ASIC3: variants seen among roughly 807,000 people sequenced by gnomAD.
ASIC3 encodes acid sensing ion channel subunit 3.
In ASIC3, 46 loss-of-function variants were observed where a neutral mutation model predicts 58.6. That is an observed-to-expected ratio of 0.79 (90% CI 0.62 to 1.00). ASIC3 has a LOEUF of 1.00. Ranked by LOEUF, ASIC3 falls within the 50% of genes least tolerant of loss-of-function variation. The probability of loss-of-function intolerance (pLI) is 0.00; values close to 1 mark genes in which losing one functional copy is unlikely to be tolerated. For synonymous variants in ASIC3, 336 were observed against 300.2 expected, an observed-to-expected ratio of 1.12 and a Z score of -1.23; for missense variants, 770 against 735.0, an observed-to-expected ratio of 1.05 and a Z score of -0.55.
Position 151,051,229 on chromosome 7 carries a change from A to C in ASIC3, c.1124A>C (p.Tyr375Ser). 1 of 1,574,842 alleles carries C rather than the reference A, an allele frequency of 6.3e-7. No individual in the cohort carries two copies. Among genetic ancestry groups the C allele is most frequent in the Non-Finnish European group, 8.6e-7 (1 of 1,167,962 alleles). ...ACPNPCASTR[Y>S]AKELSMVRIP... ...CCCAACCCGTGCGCCAGCACGCGCTACGCCAAGGAGCTCTCCATGGTGCGG... is the reference window on the plus strand; with the variant it reads ...CCCAACCCGTGCGCCAGCACGCGCTCCGCCAAGGAGCTCTCCATGGTGCGG... Residue 375 changes from tyrosine to serine, a missense_variant, in exon 6 of 11, where the codon TAC (tyrosine) becomes TCC (serine). By Grantham distance (144) the Tyr-to-Ser change is moderately radical. Transcript: ENST00000349064.
At position 151,048,784 on chromosome 7, in the gene ASIC3, G is replaced by C. The variant is rs1796687880; in HGVS notation, c.-102G>C. On this transcript the variant is annotated 5_prime_UTR_variant, in exon 1 of 11. Transcript: ENST00000349064. ...TCCCACCCTCTCTTCTCCTCTCCTT[G>C]CCTGGCCTCCTGAATCCTATCTTAG... 1.4e-6 allele frequency: 2 copies of C among 1,403,196 alleles called. No individual in the cohort carries two copies. Among genetic ancestry groups the C allele is most frequent in the African/African-American group, 1.4e-5 (1 of 69,450 alleles). 86.9% of individuals were successfully genotyped at this position (1,403,196 alleles called of 1,614,324 possible). A position where few individuals can be genotyped will look rare whatever the true frequency, so the allele number is the denominator to read the frequency against.
rs757740440 is a variant in ASIC3, at chr7:151,052,609, T to G, written c.1553T>G (p.Leu518Arg). 13 of 1,613,584 alleles carry G rather than the reference T, an allele frequency of 8.1e-6. No homozygotes were observed. Among genetic ancestry groups the G allele is most frequent in the Non-Finnish European group, 1.0e-5 (12 of 1,179,890 alleles). Residue 518 changes from leucine (L) to arginine (R), a missense_variant, in exon 11 of 11, where the codon CTC becomes CGC. Leu to Arg is a moderately radical substitution (Grantham distance 102). Coordinates refer to ENST00000349064, the MANE Select transcript of ASIC3 (RefSeq NM_004769.4). This position sits in a 1 kb window ranked among gnomAD's most constrained non-coding sequence, Gnocchi z 5.0. ...CCTCCCTGTGCCGTCACCAAGACTC[T>G]CTCCGCCTCCCACCGCACCTGCTAC... Reference protein sequence around the residue: ...PTPPCAVTKTLSASHRTCYLV... With the variant: ...PTPPCAVTKTRSASHRTCYLV...
At chr7:151,050,693 G>A (rs1796749150) in intron 3 of ASIC3, 65 bp from the exon 4 acceptor site, 1 of 1,606,246 alleles carries the variant, frequency 6.2e-7, no homozygotes, top group Admixed American at 1.7e-5. Context: ...GACCTGTCTA[G>A]GGGCCTCTCC....
At position 151,050,730 on chromosome 7, in the gene ASIC3, A is replaced by G. The variant is rs548452200; in HGVS notation, c.814-28A>G. ...CAGCTGGCCTCTCACGCTCTCCGGG[A>G]AGCCTCCTTAACCCTGTCCCCCCAC... On this transcript the variant is annotated intron_variant, in intron 3 of 10. Coordinates refer to ENST00000349064, the MANE Select transcript of ASIC3 (RefSeq NM_004769.4). 127 of 1,609,768 alleles carry G rather than the reference A, an allele frequency of 7.9e-5. No homozygotes were observed. In the East Asian group the frequency reaches 1.1e-3, roughly 14 times the overall value.
At position 151,049,044 on chromosome 7, in the gene ASIC3, G is replaced by A; in HGVS notation, c.159G>A (p.Val53=). 2 of 1,613,766 alleles carry A rather than the reference G, an allele frequency of 1.2e-6. No homozygotes were observed. Among genetic ancestry groups the A allele is most frequent in the South Asian group, 1.1e-5 (1 of 91,082 alleles). ...GGGCAGCGGCCGTGGTCCTGTCAGT[G>A]GCCACCTTCCTCTACCAGGTGGCTG... ...GMWAAAVVLS[V]ATFLYQVAER... The change falls in exon 1 of 11, where the codon GTG becomes GTA. Residue 53 remains valine (V), a synonymous_variant. Transcript: ENST00000349064.
chr7:151,050,509 A>T lies in ASIC3; in HGVS notation c.714A>T (p.Arg238=). The part of the protein sequence containing the change: ...NEETPFEVGI[R]VQIHSQEEPP... ...AGACCCCGTTTGAGGTGGGGATCCG[A>T]GTGCAGATCCACAGCCAGGAGGAGC... Residue 238 remains arginine (R), a synonymous_variant, in exon 3 of 11, where the codon CGA becomes CGT. Coordinates refer to ENST00000349064, the MANE Select transcript of ASIC3 (RefSeq NM_004769.4). 2 of 1,613,912 alleles carry T rather than the reference A, an allele frequency of 1.2e-6. No individual in the cohort carries two copies. The highest frequency in any genetic ancestry group is 1.7e-6 in the Non-Finnish European group (2 of 1,179,932).
rs750271120 is a variant in ASIC3, at chr7:151,051,167, C to T, written c.1067-5C>T. ...GGGCGTCTGACGCGGCCCGGTGGCC[C>T]GCAGATGCCATGCTTCGCAAGGACT... On this transcript the variant is annotated splice_polypyrimidine_tract_variant and splice_region_variant and intron_variant, in intron 5 of 10. Coordinates refer to ENST00000349064, the MANE Select transcript of ASIC3 (RefSeq NM_004769.4). 1.3e-6 allele frequency: 2 copies of T among 1,594,860 alleles called. No homozygotes were observed. Among genetic ancestry groups the T allele is most frequent in the South Asian group, 2.2e-5 (2 of 89,782 alleles).
At position 151,050,675 on chromosome 7, in the gene ASIC3, G is replaced by T. The variant is rs547880253; in HGVS notation, c.813+67G>T. On this transcript the variant is annotated intron_variant, in intron 3 of 10. Transcript: ENST00000349064. ...CACCACCTCAGACCCTAAACCCTCA[G>T]CTCCTCAGACCTGTCTAGGGGCCTC... 5.2e-4 allele frequency: 833 copies of T among 1,608,778 alleles called. 1 individual carries two copies. Among genetic ancestry groups the T allele is most frequent in the Non-Finnish European group, 6.7e-4 (792 of 1,176,566 alleles).
At chr7:151,050,034 G>T in intron 1 of ASIC3, 72 bp from the exon 2 acceptor site, 1 of 1,596,394 alleles carries the variant, frequency 6.3e-7, no homozygotes, top group Non-Finnish European at 8.6e-7. Context: ...AACATACCAT[G>T]AGGTGGGGAG....
chr7:151,049,464 G>A (rs749495490), intron 1 of ASIC3, 45 bp downstream of exon 1: 26 of 1,532,638 alleles, frequency 1.7e-5, no homozygotes, highest in South Asian at 1.1e-4. Context: ...CCAGAGAGCC[G>A]ACCAGTCCCT....
rs1190006627 is a variant in ASIC3 at position 151,050,853 on chromosome 7, C to T, written c.909C>T (p.Ser303=). ...CCTCTGATCCCCTAGGCTCCCCCAG[C>T]CCCAGCCCCAGCCCTCCCTATACCC... The part of the protein sequence containing the change: ...PEPSDPLGSP[S]PSPSPPYTLM... The change falls in exon 4 of 11, where the codon AGC becomes AGT. Residue 303 remains serine, a synonymous_variant. Transcript: ENST00000349064. The T allele has an allele frequency of 6.2e-7, 1 of 1,611,748 alleles. No homozygotes were observed. The highest frequency in any genetic ancestry group is 2.3e-5 in the East Asian group (1 of 44,374).
Position 151,048,819 on chromosome 7 carries a change from C to A in ASIC3, c.-67C>A. The A allele has an allele frequency of 1.3e-6, 2 of 1,504,510 alleles. No homozygotes were observed. The highest frequency in any genetic ancestry group is 1.3e-5 in the South Asian group (1 of 75,300). The allele number at this position is 1,504,510 out of a possible 1,614,324, so 93.2% of individuals were successfully genotyped here. ...CTGAATCCTATCTTAGCCTCCTTAG[C>A]CCCCTGACTGACTCTCTCTCGCTTC... On this transcript the variant is annotated 5_prime_UTR_variant, in exon 1 of 11. Transcript: ENST00000349064.
At chr7:151,049,789 C>T (rs1796723814) in intron 1 of ASIC3, among the ~76,000 whole-genome samples, 2 of 152,168 alleles carry the variant, frequency 1.3e-5, no homozygotes, top group Admixed American at 6.5e-5. Flanking sequence ...TTTCCCTCTG[C>T]CTTTTCAACA....
chr7:151,051,713 G>T (rs1796785322), intron 6 of ASIC3, 97 bp from the exon 7 acceptor site: 2 of 1,298,014 alleles, frequency 1.5e-6, no homozygotes, highest in Non-Finnish European at 2.2e-6. Context: ...CCTCTCCCAG[G>T]GTTCTTGAAA....
Position 151,050,551 on chromosome 7 carries a change from G to T in ASIC3, c.756G>T (p.Gln252His), listed in dbSNP as rs902561673. The part of the protein sequence containing the change: ...HSQEEPPIID[Q>H]LGLGVSPGYQ... ...AGGAGGAGCCGCCCATCATCGATCA[G>T]CTGGGCTTGGGGGTGTCCCCGGGCT... Residue 252 changes from glutamine to histidine, a missense_variant, in exon 3 of 11, where the codon CAG becomes CAT. Physicochemically the swap from Gln to His is conservative, Grantham distance 24. Transcript: ENST00000349064. The T allele has an allele frequency of 1.2e-6, 2 of 1,614,064 alleles. No individual in the cohort carries two copies. Among genetic ancestry groups the T allele is most frequent in the African/African-American group, 1.3e-5 (1 of 75,018 alleles).
intron 6 of ASIC3, among the ~76,000 whole-genome samples, 197 bp downstream of exon 6, chr7:151,051,516 GT>G (rs1333370963): frequency 2.6e-5 from 3 of 114,422 alleles, no homozygotes; most frequent in Middle Eastern, 5.1e-3. Context: ...CCAGGGGTCT[GT>G]TTTTTTTTCC....
In ASIC3 at chr7:151,048,989, C is replaced by T; in HGVS notation, c.104C>T (p.Pro35Leu). The T allele has an allele frequency of 6.2e-7, 1 of 1,609,870 alleles. No individual in the cohort carries two copies. Among genetic ancestry groups the T allele is most frequent in the Non-Finnish European group, 8.5e-7 (1 of 1,177,100 alleles). The change falls in exon 1 of 11, where the codon CCA becomes CTA. Residue 35 changes from proline (P) to leucine (L), a missense_variant. Coordinates refer to ENST00000349064, the MANE Select transcript of ASIC3 (RefSeq NM_004769.4). ...SMHGLGHVFG[P>L]GSLSLRRGMW... The stretch of plus-strand genomic sequence containing the variant: ...CACGGGCTGGGCCACGTCTTCGGGC[C>T]AGGCAGCCTGAGCCTGCGCCGGGGG...
In ASIC3 at chr7:151,049,828, G is replaced by A. The variant is rs527284795; in HGVS notation, c.535-278G>A. Among the ~76,000 whole-genome samples, 182 of 152,326 alleles carry A rather than the reference G, an allele frequency of 1.2e-3. 1 individual carries two copies. Among genetic ancestry groups the A allele is most frequent in the Non-Finnish European group, 1.3e-3 (89 of 68,032 alleles). ...TGCCAGCCCCGGAGGACAGCCACAG[G>A]GGCCCATTTCCTTTTCCTGCAGTTC... On this transcript the variant is annotated intron_variant, in intron 1 of 10. Transcript: ENST00000349064.
Position 151,051,194 on chromosome 7 carries a change from G to GC in ASIC3, c.1089_1090insC (p.Cys364LeufsTer53). Reference sequence around the variant, plus strand: ...CAGATGCCATGCTTCGCAAGGACTCGTGCGCCTGCCCCAACCCGTGCGCCA... The same window carrying GC: ...CAGATGCCATGCTTCGCAAGGACTCGCTGCGCCTGCCCCAACCCGTGCGCCA... On this transcript the variant is annotated frameshift_variant, in exon 6 of 11. Coordinates refer to ENST00000349064, the MANE Select transcript of ASIC3 (RefSeq NM_004769.4). LOFTEE classifies it high-confidence loss of function. The GC allele has an allele frequency of 6.3e-7, 1 of 1,590,176 alleles. No homozygotes were observed. The highest frequency in any genetic ancestry group is 8.5e-7 in the Non-Finnish European group (1 of 1,174,116).
Sources: allele counts gnomAD v4.1 joint callset (sites outside exome capture counted in the v4.1 genomes callset), GRCh38; gene constraint gnomAD v4.1.1; non-coding constraint Gnocchi (gnomAD v3.1); transcripts MANE v1.5; gene names NCBI Gene and HGNC (gene_info 2026-07-23, HGNC 2026-07-21).